CNTN5: variants seen among roughly 807,000 people sequenced by gnomAD.
CNTN5 encodes the protein contactin 5.
CNTN5 carries 77 observed loss-of-function variants against 129.1 expected under a neutral mutation model. The observed-to-expected ratio is 0.60, with a 90% CI of 0.50 to 0.72. The LOEUF (loss-of-function observed/expected upper bound fraction) is 0.72, where lower values mean the gene tolerates loss of function less well. CNTN5 is among the 30% of genes least tolerant of loss of function. The pLI is 0.00. For synonymous variants in CNTN5, 509 were observed against 465.6 expected (o/e 1.09, Z -1.20); for missense variants, 1,478 against 1,328.8 (o/e 1.11, Z -1.75).
chr11:99,889,386 A>G (rs1948996462), intron 6 of CNTN5, among the ~76,000 whole-genome samples: 1 of 149,528 alleles, frequency 6.7e-6, no homozygotes, highest in Non-Finnish European at 1.5e-5. Flanking sequence ...TATATATGAA[A>G]TTTGATAATT....
intron 9 of CNTN5, among the ~76,000 whole-genome samples, chr11:100,040,556 C>A (rs543724825): frequency 5.3e-5 from 8 of 152,346 alleles, no homozygotes; most frequent in Non-Finnish European, 1.5e-5. Context: ...TGTCTGTGCC[C>A]TGCCCCCAGA....
intron 2 of CNTN5, among the ~76,000 whole-genome samples, chr11:99,432,864 A>G (rs1374827385): frequency 1.3e-5 from 2 of 152,012 alleles, no homozygotes; most frequent in East Asian, 3.9e-4. Context: ...GCTGTTATGG[A>G]ACTGAGATGC....
chr11:99,149,914 C>T (rs1859966566), intron 1 of CNTN5, among the ~76,000 whole-genome samples: 1 of 151,924 alleles, frequency 6.6e-6, no homozygotes, highest in Non-Finnish European at 1.5e-5. Context: ...ATATCTATCT[C>T]CCTCACCTTA....
At chr11:99,363,244 A>G (rs1939233115) in intron 2 of CNTN5, among the ~76,000 whole-genome samples, 1 of 152,108 alleles carries the variant, frequency 6.6e-6, no homozygotes, top group Admixed American at 6.6e-5. Flanking sequence ...TGGTGAAACT[A>G]TCCCTACGTA....
chr11:99,786,849 TAACTG>T (rs1945544672), intron 3 of CNTN5, among the ~76,000 whole-genome samples: 1 of 152,198 alleles, frequency 6.6e-6, no homozygotes, highest in South Asian at 2.1e-4. Context: ...ATACAAAAAT[TAACTG>T]AAGATGGATT....
At chr11:99,985,051 G>T (rs921560975) in intron 8 of CNTN5, among the ~76,000 whole-genome samples, 1 of 152,146 alleles carries the variant, frequency 6.6e-6, no homozygotes, top group African/African-American at 2.4e-5. Flanking sequence ...TCAAGAAGGG[G>T]TGTTACAATG....
intron 1 of CNTN5, among the ~76,000 whole-genome samples, chr11:99,225,988 G>A (rs145131380): frequency 6.6e-6 from 1 of 152,054 alleles, no homozygotes; most frequent in Non-Finnish European, 1.5e-5. Context: ...TGCTAGAGTT[G>A]ATAATCATTT....
At chr11:99,094,762 G>A (rs992563509) in intron 1 of CNTN5, among the ~76,000 whole-genome samples, 1 of 151,866 alleles carries the variant, frequency 6.6e-6, no homozygotes, top group Non-Finnish European at 1.5e-5. Flanking sequence ...TACCAACCCC[G>A]TCTCCTGTGG....
intron 3 of CNTN5, among the ~76,000 whole-genome samples, chr11:99,560,870 T>C (rs931006386): frequency 2.6e-5 from 4 of 152,100 alleles, no homozygotes; most frequent in African/African-American, 9.7e-5. Context: ...ATGATCCATG[T>C]GATAATGGAT....
At chr11:99,984,557 G>A (rs1938554947) in intron 8 of CNTN5, among the ~76,000 whole-genome samples, 1 of 151,704 alleles carries the variant, frequency 6.6e-6, no homozygotes, top group South Asian at 2.1e-4. Flanking sequence ...GTTGGCTTCT[G>A]GTTTTTAATG....
At chr11:99,841,016 T>G (rs1166971393) in intron 4 of CNTN5, among the ~76,000 whole-genome samples, 1 of 152,190 alleles carries the variant, frequency 6.6e-6, no homozygotes, top group Non-Finnish European at 1.5e-5. Context: ...CATGTTTCTT[T>G]TCCCCCCCTT....
chr11:99,973,578 G>C (rs1937726690), intron 8 of CNTN5, among the ~76,000 whole-genome samples: 1 of 151,972 alleles, frequency 6.6e-6, no homozygotes, highest in Non-Finnish European at 1.5e-5. Context: ...TAACCTTAAG[G>C]CTTCCTGTGA....
intron 13 of CNTN5, among the ~76,000 whole-genome samples, chr11:100,108,641 C>T (rs1401994085): frequency 6.6e-6 from 1 of 152,094 alleles, no homozygotes; most frequent in Non-Finnish European, 1.5e-5. Flanking sequence ...TATATATGTT[C>T]TCATACATGC....
intron 18 of CNTN5, among the ~76,000 whole-genome samples, chr11:100,286,988 C>A (rs1950811412): frequency 6.6e-6 from 1 of 151,816 alleles, no homozygotes; most frequent in South Asian, 2.1e-4. Context: ...ATGTGATCAA[C>A]TGGAAGAAAG....
At chr11:99,286,040 G>GGAA (rs1555101325) in intron 1 of CNTN5, among the ~76,000 whole-genome samples, 2 of 93,012 alleles carry the variant, frequency 2.2e-5, no homozygotes, top group South Asian at 4.1e-4. Context: ...TCCATCTGGA[G>GGAA]AAAAAAAAAA....
At chr11:99,121,572 A>G (rs899604973) in intron 1 of CNTN5, among the ~76,000 whole-genome samples, 2 of 134,948 alleles carry the variant, frequency 1.5e-5, no homozygotes, top group African/African-American at 5.7e-5. Context: ...AAGTTTTCTT[A>G]AAAAAGAGAG....
intron 2 of CNTN5, among the ~76,000 whole-genome samples, chr11:99,532,229 G>A (rs1488002780): frequency 2.0e-5 from 3 of 152,080 alleles, no homozygotes; most frequent in African/African-American, 2.4e-5. Flanking sequence ...TGACTGCCCC[G>A]CTGGATTTGG....
intron 13 of CNTN5, among the ~76,000 whole-genome samples, chr11:100,178,573 T>C (rs1430543607): frequency 6.6e-6 from 1 of 152,168 alleles, no homozygotes; most frequent in Non-Finnish European, 1.5e-5. Context: ...TCTTCTGCCA[T>C]TATGGCATAG....
chr11:100,072,196 G>C (rs563986745), intron 12 of CNTN5, among the ~76,000 whole-genome samples: 58 of 152,282 alleles, frequency 3.8e-4, no homozygotes, highest in African/African-American at 1.3e-3. Context: ...GCCTGTCCAT[G>C]CTCCCATAGC....
Sources: allele counts gnomAD v4.1 joint callset (sites outside exome capture counted in the v4.1 genomes callset), GRCh38; gene constraint gnomAD v4.1.1; transcripts MANE v1.5; gene names NCBI Gene and HGNC (gene_info 2026-07-23, HGNC 2026-07-21).